MSRA: variants seen among roughly 807,000 people sequenced by gnomAD.
MSRA encodes mitochondrial peptide methionine sulfoxide reductase.
A neutral mutation model predicts 31.3 loss-of-function variants in MSRA; 54 were observed. The observed-to-expected ratio is 1.73, with a 90% confidence interval of 1.39 to 2.17. The LOEUF is 2.17. MSRA is among the 30% of genes most tolerant of loss of function. MSRA has a pLI of 0.00. For synonymous variants in MSRA, 169 were observed against 116.5 expected (o/e 1.45, Z -2.90); for missense variants, 507 against 300.9 (o/e 1.69, Z -5.07).
In MSRA at chr8:10,067,969, T is replaced by A. The variant is rs376874430; in HGVS notation, c.142+13311T>A. Among the ~76,000 whole-genome samples the A allele has an allele frequency of 3.6e-5, 5 of 140,276 alleles. No homozygotes were observed. The South Asian group carries it at 7.7e-4, about 21-fold the overall frequency. The allele number at this position is 140,276 out of a possible 152,430, so 92.0% of individuals were successfully genotyped here. On this transcript the variant is annotated intron_variant, in intron 1 of 5. Transcript: ENST00000317173. ...TGCGATCTTGGCTCACCACAACCTC[T>A]GCCTCCCAGGCCCGAGTGATACTCA...
intron 1 of MSRA, among the ~76,000 whole-genome samples, chr8:10,169,027 T>A (rs979762977): frequency 6.6e-6 from 1 of 152,156 alleles, no homozygotes; most frequent in Admixed American, 6.5e-5. Context: ...ATAAGTACTT[T>A]TGCATTCGTA....
chr8:10,293,876 T>C (rs1800385735), intron 3 of MSRA, among the ~76,000 whole-genome samples: 1 of 152,182 alleles, frequency 6.6e-6, no homozygotes. Flanking sequence ...TGTGGCGCTC[T>C]AGACCAGTGG....
intron 1 of MSRA, among the ~76,000 whole-genome samples, chr8:10,071,841 C>T (rs1285612723): frequency 6.6e-6 from 1 of 152,110 alleles, no homozygotes; most frequent in African/African-American, 2.4e-5. Context: ...GACACTTGTG[C>T]CCGCTGTATC....
intron 1 of MSRA, among the ~76,000 whole-genome samples, chr8:10,169,756 A>G (rs761579030): frequency 3.3e-5 from 5 of 152,180 alleles, no homozygotes; most frequent in Non-Finnish European, 7.3e-5. Flanking sequence ...AAAAATTCCT[A>G]ACCATTCATC....
chr8:10,285,507 G>T (rs1364801444), intron 3 of MSRA, among the ~76,000 whole-genome samples: 2 of 152,110 alleles, frequency 1.3e-5, no homozygotes, highest in African/African-American at 4.8e-5. Context: ...ACCTTCAAAA[G>T]CTGCTCTTCT....
intron 2 of MSRA, among the ~76,000 whole-genome samples, chr8:10,217,140 G>C (rs575312034): frequency 6.6e-6 from 1 of 152,288 alleles, no homozygotes; most frequent in East Asian, 1.9e-4. Flanking sequence ...TTTACTTACT[G>C]ATTCTAAAAA....
At chr8:10,424,075 G>T (rs959772510) in intron 5 of MSRA, among the ~76,000 whole-genome samples, 2 of 152,218 alleles carry the variant, frequency 1.3e-5, no homozygotes, top group African/African-American at 4.8e-5. Flanking sequence ...CGCGAACATA[G>T]TATGTGGAGC....
intron 1 of MSRA, among the ~76,000 whole-genome samples, chr8:10,056,072 C>T (rs943505603): frequency 1.8e-4 from 27 of 151,748 alleles, no homozygotes; most frequent in Non-Finnish European, 3.7e-4. Flanking sequence ...TTTTTTCTTT[C>T]TTTTACAGGC....
intron 3 of MSRA, among the ~76,000 whole-genome samples, chr8:10,294,313 AC>A (rs1298177144): frequency 3.9e-5 from 6 of 152,236 alleles, no homozygotes; most frequent in Non-Finnish European, 7.3e-5. Flanking sequence ...GTCAAATGAT[AC>A]TAGCAACGCT....
intron 1 of MSRA, among the ~76,000 whole-genome samples, chr8:10,060,594 C>CT (rs1331923153): frequency 1.3e-5 from 2 of 149,786 alleles, no homozygotes; most frequent in African/African-American, 4.9e-5. Flanking sequence ...TGTTTTTAGT[C>CT]TAATTGACCA....
intron 5 of MSRA, among the ~76,000 whole-genome samples, chr8:10,330,928 G>A (rs1563359022): frequency 6.6e-6 from 1 of 152,212 alleles, no homozygotes. Flanking sequence ...TGGACATGGG[G>A]CCTTTGGGAG....
intron 5 of MSRA, among the ~76,000 whole-genome samples, chr8:10,344,022 G>A (rs4841324): frequency 0.86 from 130,657 of 152,128 alleles, 56,470 homozygotes; most frequent in South Asian, 0.93. Flanking sequence ...AGAACATTCT[G>A]TAGTCCCAGA....
chr8:10,161,576 T>A (rs1330873514), intron 1 of MSRA, among the ~76,000 whole-genome samples: 3 of 152,216 alleles, frequency 2.0e-5, no homozygotes, highest in African/African-American at 7.2e-5. Flanking sequence ...AGAGCCTCCT[T>A]TGCCTCCTTT....
chr8:10,128,724 G>C (rs1470245459), intron 1 of MSRA, among the ~76,000 whole-genome samples: 1 of 152,222 alleles, frequency 6.6e-6, no homozygotes, highest in Admixed American at 6.5e-5. Flanking sequence ...ATCTTTTAGA[G>C]AGCACGGAAG....
chr8:10,331,729 C>G (rs934737598), intron 5 of MSRA, among the ~76,000 whole-genome samples: 2 of 152,146 alleles, frequency 1.3e-5, no homozygotes, highest in Non-Finnish European at 2.9e-5. Context: ...TGCTTAATCC[C>G]TTATATAAAA....
At chr8:10,218,189 G>C (rs10102391) in intron 2 of MSRA, among the ~76,000 whole-genome samples, 29,259 of 150,652 alleles carry the variant, frequency 0.19, 3,362 homozygotes, top group African/African-American at 0.31. Context: ...CTCTGTTGCC[G>C]AGGCTGGAGT....
intron 5 of MSRA, among the ~76,000 whole-genome samples, chr8:10,377,540 G>C (rs1366171677): frequency 6.6e-6 from 1 of 152,194 alleles, no homozygotes; most frequent in Non-Finnish European, 1.5e-5. Flanking sequence ...ATGAGGTAAG[G>C]AGTATGCATA....
In MSRA at chr8:10,319,989, G is replaced by C. The variant is rs1443337129; in HGVS notation, c.543G>C (p.Lys181Asn). ...AALSSKENYQKVLSEHGFGPI... is the reference protein window; with the variant it reads ...AALSSKENYQNVLSEHGFGPI... The stretch of plus-strand genomic sequence containing the variant: ...TGAGCTCCAAAGAGAACTACCAAAA[G>C]GTAGGGATTGCTGGGCTCCTAGCCC... The change falls in exon 5 of 6, where the codon AAG becomes AAC. Residue 181 changes from lysine (K) to asparagine (N), a missense_variant and splice_region_variant. Lys to Asn is a moderately conservative substitution (Grantham distance 94). Transcript: ENST00000317173. 2 of 1,595,036 alleles carry C rather than the reference G, an allele frequency of 1.3e-6. No homozygotes were observed. Among genetic ancestry groups the C allele is most frequent in the African/African-American group, 2.7e-5 (2 of 74,436 alleles).
At chr8:10,064,040 C>T (rs1420809272) in intron 1 of MSRA, among the ~76,000 whole-genome samples, 1 of 152,174 alleles carries the variant, frequency 6.6e-6, no homozygotes, top group Admixed American at 6.5e-5. Context: ...ATTCCAGTGT[C>T]TCTCCTTGGG....
Sources: gnomAD v4.1 joint callset for allele counts (sites outside exome capture counted in the v4.1 genomes callset) on GRCh38, gnomAD v4.1.1 for gene constraint, MANE v1.5 for transcripts, NCBI Gene and HGNC (gene_info 2026-07-23, HGNC 2026-07-21) for gene names.